Variants in TRIOBP observed in about 807,000 individuals in gnomAD.
The protein encoded by TRIOBP is TRIO and F-actin binding protein, also known as TRIO and F-actin-binding protein.
A neutral mutation model predicts 238.8 loss-of-function variants in TRIOBP; 169 were observed. That is an observed-to-expected ratio of 0.71 (90% CI 0.62 to 0.80). The LOEUF (loss-of-function observed/expected upper bound fraction) is 0.80. TRIOBP is among the 30% of genes least tolerant of loss of function. The pLI is 0.00. For synonymous variants in TRIOBP, 1,150 were observed against 1,274.4 expected, an observed-to-expected ratio of 0.90 and a Z score of 2.08; for missense variants, 2,838 against 3,122.6, an observed-to-expected ratio of 0.91 and a Z score of 2.17.
chr22:37,741,180 AG>A (rs1229301175), intron 11 of TRIOBP, 148 bp downstream of exon 11: 2 of 1,118,148 alleles, frequency 1.8e-6, no homozygotes, highest in African/African-American at 3.1e-5. Context: ...GTGGGAGCAG[AG>A]CTCTTAAGCT....
At chr22:37,754,488 C>T (rs1424112791) in intron 12 of TRIOBP, among the ~76,000 whole-genome samples, 1 of 151,716 alleles carries the variant, frequency 6.6e-6, no homozygotes, top group African/African-American at 2.4e-5. Context: ...CCATCCAGTC[C>T]TACTTCCCAG....
chr22:37,728,999 T>C (rs1924304067), intron 7 of TRIOBP, among the ~76,000 whole-genome samples: 1 of 152,122 alleles, frequency 6.6e-6, no homozygotes, highest in Admixed American at 6.6e-5. Flanking sequence ...CACTGCAACC[T>C]CTGCCTTCTG....
chr22:37,736,375 T>C (rs1284988737), intron 9 of TRIOBP, among the ~76,000 whole-genome samples: 1 of 152,060 alleles, frequency 6.6e-6, no homozygotes, highest in Non-Finnish European at 1.5e-5. Context: ...CTCCAAAGCC[T>C]CCTCATCTCC....
chr22:37,753,225 G>A (rs558526308), intron 12 of TRIOBP, among the ~76,000 whole-genome samples: 8 of 152,046 alleles, frequency 5.3e-5, no homozygotes, highest in Admixed American at 2.0e-4. Context: ...GAGGATGGGC[G>A]CCGCTCGCCT....
chr22:37,729,933 T>C (rs1028188551), intron 7 of TRIOBP, among the ~76,000 whole-genome samples: 1 of 152,208 alleles, frequency 6.6e-6, no homozygotes, highest in Admixed American at 6.5e-5. Flanking sequence ...TTTTCTCCTA[T>C]TTCCTCATCG....
chr22:37,701,304 A>G lies in TRIOBP; in HGVS notation c.-60-2A>G. The G allele has an allele frequency of 7.3e-7, 1 of 1,369,226 alleles. No individual in the cohort carries two copies. The highest frequency in any genetic ancestry group is 1.0e-6 in the Non-Finnish European group (1 of 973,280). The allele number at this position is 1,369,226 out of a possible 1,614,324, so 84.8% of individuals were successfully genotyped here. A position where few individuals can be genotyped will look rare whatever the true frequency, so the allele number is the denominator to read the frequency against. On this transcript the variant is annotated splice_acceptor_variant, in intron 2 of 23. Coordinates refer to ENST00000644935, the MANE Select transcript of TRIOBP (RefSeq NM_001039141.3). LOFTEE classifies it low-confidence loss of function (5UTR_SPLICE). Reference sequence around the variant, plus strand: ...TCTTTGCCTCCCCCTCATTTTTGCCAGGCCTCACATAGACGGTCAGCCATT... The same window carrying G: ...TCTTTGCCTCCCCCTCATTTTTGCCGGGCCTCACATAGACGGTCAGCCATT...
Position 37,734,615 on chromosome 22 carries a change from T to G in TRIOBP, c.4279T>G (p.Trp1427Gly). ...QAGPRQPLGV[W>G]QSQEEPPGSQ... ...AGGCCCAAGACAGCCTCTGGGGGTG[T>G]GGCAGAGTCAGGAGGAACCGCCAGG... Residue 1427 changes from tryptophan to glycine, a missense_variant, in exon 9 of 24, where the codon TGG becomes GGG. By Grantham distance (184) the Trp-to-Gly change is radical. This residue lies in a region of TRIOBP where 2,096 missense variants were observed against 2,137.4 expected (regional missense o/e 0.98). Transcript: ENST00000644935. The G allele has an allele frequency of 6.3e-7, 1 of 1,583,264 alleles. No homozygotes were observed. Among genetic ancestry groups the G allele is most frequent in the Middle Eastern group, 1.7e-4 (1 of 6,018 alleles).
chr22:37,707,224 C>T (rs1203564581), intron 3 of TRIOBP, among the ~76,000 whole-genome samples: 1 of 151,710 alleles, frequency 6.6e-6, no homozygotes, highest in East Asian at 1.9e-4. Flanking sequence ...TGCAGTGAGC[C>T]GAGATCTGGC....
rs552145564 is a variant in TRIOBP at position 37,725,172 on chromosome 22, C to T, written c.2616C>T (p.Cys872=). Residue 872 remains cysteine (C), a synonymous_variant, in exon 7 of 24, where the codon TGC becomes TGT. Transcript: ENST00000644935. The part of the protein sequence containing the change: ...DNPGTSSSQC[C]TQKENLRPSS... ...CTGGAACCTCCTCATCTCAATGCTG[C>T]ACCCAAAAGGAGAATCTGAGACCAT... 1.9e-6 allele frequency: 3 copies of T among 1,614,150 alleles called. No individual in the cohort carries two copies. Among genetic ancestry groups the T allele is most frequent in the East Asian group, 4.5e-5 (2 of 44,886 alleles).
At chr22:37,727,550 C>A (rs1924234917) in intron 7 of TRIOBP, among the ~76,000 whole-genome samples, 1 of 152,012 alleles carries the variant, frequency 6.6e-6, no homozygotes, top group Non-Finnish European at 1.5e-5. Flanking sequence ...CGCCTGTAGT[C>A]CCAGCAACTC....
intron 2 of TRIOBP, among the ~76,000 whole-genome samples, chr22:37,700,097 G>A (rs1922567824): frequency 6.6e-6 from 1 of 151,388 alleles, no homozygotes; most frequent in Admixed American, 6.6e-5. Flanking sequence ...GGCTGGTCTT[G>A]AACTCCTGGC....
At chr22:37,702,622 CTT>C (rs1385055424) in intron 3 of TRIOBP, among the ~76,000 whole-genome samples, 1 of 133,516 alleles carries the variant, frequency 7.5e-6, no homozygotes, top group African/African-American at 2.9e-5. Context: ...TAGAGATTTT[CTT>C]TCTCTCTCTC....
At chr22:37,733,669 T>A in intron 8 of TRIOBP, among the ~76,000 whole-genome samples, 2 of 15,184 alleles carry the variant, frequency 1.3e-4, no homozygotes. Context: ...CTGCTGTCTT[T>A]TTTTTTTTTT....
intron 18 of TRIOBP, among the ~76,000 whole-genome samples, chr22:37,766,507 G>A (rs1043127194): frequency 6.6e-6 from 1 of 152,370 alleles, no homozygotes; most frequent in African/African-American, 2.4e-5. Flanking sequence ...CTTTGCAGCC[G>A]CGTGTGTTAG....
rs1417117662 is a variant in TRIOBP at position 37,774,108 on chromosome 22, A to C, written c.*328A>C. On this transcript the variant is annotated 3_prime_UTR_variant, in exon 24 of 24. Transcript: ENST00000644935. ...TATAGATTTTTTTCCTTTTTTTCCA[A>C]AACACTTTATACTTTAAAAAAAAAA... 6.9e-6 allele frequency: 1 copy of C among 145,314 alleles called. No individual in the cohort carries two copies. The highest frequency in any genetic ancestry group is 1.5e-5 in the Non-Finnish European group (1 of 67,128). 9.0% of individuals were successfully genotyped at this position (145,314 alleles called of 1,614,324 possible). A position where few individuals can be genotyped will look rare whatever the true frequency, so the allele number is the denominator to read the frequency against.
chr22:37,715,155 C>T (rs1923446963), intron 5 of TRIOBP, among the ~76,000 whole-genome samples: 1 of 152,040 alleles, frequency 6.6e-6, no homozygotes, highest in Admixed American at 6.6e-5. Flanking sequence ...TCTGGGATTA[C>T]AGGCGCCCAC....
At chr22:37,702,155 CA>C (rs1922685553) in intron 3 of TRIOBP, among the ~76,000 whole-genome samples, 2 of 151,738 alleles carry the variant, frequency 1.3e-5, no homozygotes. Flanking sequence ...AAAGAAAAAA[CA>C]AAACAGAAAT....
chr22:37,746,287 A>G, intron 11 of TRIOBP: 3 of 1,072,800 alleles, frequency 2.8e-6, no homozygotes, highest in Non-Finnish European at 3.4e-6. Flanking sequence ...GAAGGGCCGG[A>G]GGCGCGGCGG....
At chr22:37,760,149 C>G (rs1206446059) in intron 17 of TRIOBP, 1 of 152,810 alleles carries the variant, frequency 6.5e-6, no homozygotes, top group African/African-American at 2.4e-5. Flanking sequence ...TTTGCTAGAT[C>G]GGATAGTAGT....
Sources: gnomAD v4.1 joint callset for allele counts (sites outside exome capture counted in the v4.1 genomes callset) on GRCh38, gnomAD v4.1.1 for gene constraint, gnomAD v4.1.1 regional missense constraint, MANE v1.5 for transcripts, NCBI Gene and HGNC (gene_info 2026-07-23, HGNC 2026-07-21) for gene names.